Variants in CSTL1 observed in about 807,000 individuals in gnomAD.
CSTL1 encodes the protein cystatin like 1, also known as cystatin-like 1.
A neutral mutation model predicts 14.4 loss-of-function variants in CSTL1; 14 were observed. The ratio of observed to expected loss-of-function variants is 0.97; its 90% CI spans 0.64 to 1.52. The LOEUF (loss-of-function observed/expected upper bound fraction) is 1.52, where lower values mean the gene tolerates loss of function less well. CSTL1 is among the 40% of genes most tolerant of loss of function. The pLI is 0.00. For synonymous variants in CSTL1, 72 were observed against 67.5 expected, an observed-to-expected ratio of 1.07 and a Z score of -0.33; for missense variants, 170 against 168.7, an observed-to-expected ratio of 1.01 and a Z score of -0.04.
downstream of CSTL1, among the ~76,000 whole-genome samples, chr20:23,448,347 G>T (rs1987007486): frequency 6.6e-6 from 1 of 152,166 alleles, no homozygotes; most frequent in Admixed American, 6.5e-5. Context: ...GACAGGAGTG[G>T]GCACCCAGGC....
At chr20:23,455,313 A>G in the CSTL1 span, among the ~76,000 whole-genome samples, 1 of 152,242 alleles carries the variant, frequency 6.6e-6, no homozygotes, top group Admixed American at 6.5e-5. Flanking sequence ...GCCACATACT[A>G]CTACTAATTG....
the CSTL1 span, among the ~76,000 whole-genome samples, chr20:23,453,416 T>C: frequency 2.0e-5 from 3 of 152,178 alleles, no homozygotes; most frequent in African/African-American, 4.8e-5. Flanking sequence ...TGGCCTCCGC[T>C]GGACTTGCAT....
At chr20:23,459,960 G>T in the CSTL1 span, among the ~76,000 whole-genome samples, 1 of 152,130 alleles carries the variant, frequency 6.6e-6, no homozygotes, top group Non-Finnish European at 1.5e-5. Context: ...GTCTTCAACT[G>T]GTTCCCAGTG....
chr20:23,442,765 C>T (rs1239176761), intron 2 of CSTL1, among the ~76,000 whole-genome samples: 1 of 152,184 alleles, frequency 6.6e-6, no homozygotes, highest in Non-Finnish European at 1.5e-5. Flanking sequence ...TCAGTCACCA[C>T]CCCAGAGATG....
chr20:23,442,549 G>A (rs1285113683), intron 2 of CSTL1: 1 of 152,238 alleles, frequency 6.6e-6, no homozygotes, highest in Non-Finnish European at 1.5e-5. Context: ...ATGACGGGTG[G>A]TTTAGTTTTT....
chr20:23,440,052 A>G (rs750088096), intron 1 of CSTL1, 92 bp from the exon 2 acceptor site: 3 of 581,922 alleles, frequency 5.2e-6, no homozygotes, highest in South Asian at 2.0e-5. Context: ...CTGGATCACC[A>G]AAGAACTGAA....
chr20:23,460,304 G>C, the CSTL1 span, among the ~76,000 whole-genome samples: 2 of 152,192 alleles, frequency 1.3e-5, no homozygotes, highest in African/African-American at 4.8e-5. Context: ...AGAGGGTCAT[G>C]GGGTGGCTGT....
At chr20:23,447,439 T>C (rs994659415), downstream of CSTL1, among the ~76,000 whole-genome samples, 1 of 151,890 alleles carries the variant, frequency 6.6e-6, no homozygotes, top group African/African-American at 2.4e-5. Flanking sequence ...GCTGGACACA[T>C]TACATGTACT....
rs1244749472 is a variant in CSTL1, at chr20:23,440,250, G to A, written c.-18G>A. The A allele has an allele frequency of 1.9e-6, 3 of 1,613,484 alleles. No individual in the cohort carries two copies. Among genetic ancestry groups the A allele is most frequent in the Admixed American group, 1.7e-5 (1 of 60,018 alleles). On this transcript the variant is annotated 5_prime_UTR_variant, in exon 2 of 4. Transcript: ENST00000347397. ...CCTGGAAGGTGCAGTTGGGAAGAAAGTTTCTGAGGCTGTAGACATGGGGAT... is the reference window on the plus strand; with the variant it reads ...CCTGGAAGGTGCAGTTGGGAAGAAAATTTCTGAGGCTGTAGACATGGGGAT...
At chr20:23,454,279 A>T in the CSTL1 span, among the ~76,000 whole-genome samples, 1 of 150,984 alleles carries the variant, frequency 6.6e-6, no homozygotes, top group Non-Finnish European at 1.5e-5. Context: ...CACAACACAC[A>T]GATACACACA....
chr20:23,458,621 G>C, the CSTL1 span: 1 of 152,192 alleles, frequency 6.6e-6, no homozygotes, highest in Non-Finnish European at 1.5e-5. Context: ...TTAATCAGGA[G>C]GGTGCCAGTC....
the CSTL1 span, among the ~76,000 whole-genome samples, chr20:23,451,056 G>A: frequency 6.6e-6 from 1 of 151,504 alleles, no homozygotes. Flanking sequence ...CCCATCTGTC[G>A]ACCCATCAAC....
the CSTL1 span, among the ~76,000 whole-genome samples, chr20:23,455,860 C>A: frequency 4.6e-5 from 7 of 152,210 alleles, no homozygotes; most frequent in Admixed American, 3.9e-4. Flanking sequence ...CCTGGCCCTG[C>A]ATGGGGAGGT....
intron 2 of CSTL1, 76 bp downstream of exon 2, chr20:23,440,562 C>A: frequency 8.8e-7 from 1 of 1,132,030 alleles, no homozygotes; most frequent in Non-Finnish European, 1.3e-6. Flanking sequence ...TCTGGGGTAG[C>A]TCCCAAGAGA....
chr20:23,443,423 T>G (rs1986884522), intron 2 of CSTL1, among the ~76,000 whole-genome samples: 1 of 152,236 alleles, frequency 6.6e-6, no homozygotes, highest in Non-Finnish European at 1.5e-5. Context: ...CTAAGTAACT[T>G]GCTCAAGGTC....
At chr20:23,459,513 G>GT in the CSTL1 span, 1 of 152,212 alleles carries the variant, frequency 6.6e-6, no homozygotes, top group East Asian at 1.9e-4. Flanking sequence ...AAGTAGTGCA[G>GT]TTCCTGATGT....
rs149240631 is a variant in CSTL1 at position 23,443,942 on chromosome 20, G to A, written c.228G>A (p.Thr76=). ...CAACTGATTCTCGGCAGCTGACGAC[G>A]GGAGTGGAGTATATAGTCACTGTGA... ...RLIRSQMQLT[T]GVEYIVTVKI... The change falls in exon 3 of 4, where the codon ACG becomes ACA. Residue 76 remains threonine (T), a synonymous_variant. Transcript: ENST00000347397. The A allele has an allele frequency of 5.4e-5, 87 of 1,613,500 alleles. No homozygotes were observed. The East Asian group carries it at 1.6e-3, about 29-fold the overall frequency.
the CSTL1 span, among the ~76,000 whole-genome samples, chr20:23,459,776 A>G: frequency 2.9e-3 from 441 of 152,350 alleles, no homozygotes; most frequent in African/African-American, 9.9e-3. Flanking sequence ...GCATGAACAC[A>G]TGGATGATTG....
chr20:23,446,619 A>G (rs1986972772), downstream of CSTL1, among the ~76,000 whole-genome samples: 1 of 152,174 alleles, frequency 6.6e-6, no homozygotes, highest in African/African-American at 2.4e-5. Flanking sequence ...CTGCACACTG[A>G]GTCATTGAGC....
Sources: gnomAD v4.1 joint callset for allele counts (sites outside exome capture counted in the v4.1 genomes callset) on GRCh38, gnomAD v4.1.1 for gene constraint, MANE v1.5 for transcripts, NCBI Gene and HGNC (gene_info 2026-07-23, HGNC 2026-07-21) for gene names.